KDM4B: variants seen among roughly 807,000 people sequenced by gnomAD.
KDM4B encodes lysine demethylase 4B, also known as lysine-specific demethylase 4B.
KDM4B carries 32 observed loss-of-function variants against 125.2 expected under a neutral mutation model. That is an observed-to-expected ratio of 0.26 (90% CI 0.19 to 0.34). The LOEUF is 0.34. Among genes scored for constraint, KDM4B ranks in the 10% least tolerant of loss-of-function variants. KDM4B has a pLI of 1.00. For missense variants in KDM4B, 1,190 were observed against 1,577.7 expected (o/e 0.75, Z 4.16); for synonymous variants, 721 against 677.9 (o/e 1.06, Z -0.99).
At chr19:5,064,293 T>A (rs1004370850) in intron 6 of KDM4B, among the ~76,000 whole-genome samples, 1 of 152,202 alleles carries the variant, frequency 6.6e-6, no homozygotes, top group African/African-American at 2.4e-5. Context: ...TCTGCCTCCC[T>A]CATTCTGTGT....
chr19:5,118,970 C>T (rs536727505), intron 10 of KDM4B: 19 of 613,362 alleles, frequency 3.1e-5, no homozygotes, highest in East Asian at 1.6e-4. Flanking sequence ...GTCAGAGCAG[C>T]GGAGTGTGAG....
chr19:4,994,930 A>G (rs2035152109), intron 1 of KDM4B, among the ~76,000 whole-genome samples: 2 of 152,138 alleles, frequency 1.3e-5, no homozygotes, highest in African/African-American at 4.8e-5. Flanking sequence ...CAGATCCCCA[A>G]TATCATTTGA....
chr19:5,009,068 C>A (rs1282669037), intron 1 of KDM4B, among the ~76,000 whole-genome samples: 1 of 151,886 alleles, frequency 6.6e-6, no homozygotes, highest in East Asian at 1.9e-4. Context: ...GTGGATGCCA[C>A]CACGCTCAGC....
At chr19:5,008,862 A>G (rs559029461) in intron 1 of KDM4B, among the ~76,000 whole-genome samples, 3 of 149,062 alleles carry the variant, frequency 2.0e-5, no homozygotes, top group East Asian at 2.0e-4. Flanking sequence ...TGGCCTCCCA[A>G]AGTGCTAGGA....
intron 6 of KDM4B, among the ~76,000 whole-genome samples, chr19:5,054,489 T>TGC (rs1374792681): frequency 3.5e-4 from 41 of 116,136 alleles, no homozygotes; most frequent in African/African-American, 8.3e-4. Context: ...TGTGTGTGTG[T>TGC]GCGCGCGCAT....
At position 4,971,109 on chromosome 19, in the gene KDM4B, G is replaced by T. The variant is rs968955984; in HGVS notation, c.-109+1879G>T. Among the ~76,000 whole-genome samples, 15 of 152,186 alleles carry T rather than the reference G, an allele frequency of 9.9e-5. No individual in the cohort carries two copies. Among genetic ancestry groups the T allele is most frequent in the African/African-American group, 3.4e-4 (14 of 41,440 alleles). On this transcript the variant is annotated intron_variant, in intron 1 of 22. Coordinates refer to ENST00000159111, the MANE Select transcript of KDM4B (RefSeq NM_015015.3). This position sits in a 1 kb window ranked among gnomAD's most constrained non-coding sequence, Gnocchi z 4.1. ...CGTGTGTGTTTAGTTGCTGAGACCTGAAATATATATGTCTTAGTAACAATC... is the reference window on the plus strand; with the variant it reads ...CGTGTGTGTTTAGTTGCTGAGACCTTAAATATATATGTCTTAGTAACAATC...
chr19:5,131,121 GGAA>G lies in KDM4B; in HGVS notation c.1370_1372del (p.Lys457del), dbSNP rs774302737. 6.2e-5 allele frequency: 95 copies of G among 1,526,888 alleles called. 1 individual carries two copies. Among genetic ancestry groups the G allele is most frequent in the East Asian group, 2.5e-4 (11 of 43,998 alleles). 94.6% of individuals were successfully genotyped at this position (1,526,888 alleles called of 1,614,324 possible). ...CGGCCAACCAAGGCCAAGAGCGAGC[GGAA>G]GAAGAAGAGCTTCGGCCTGCTGCCC... On this transcript the variant is annotated inframe_deletion, in exon 12 of 23. Transcript: ENST00000159111.
intron 3 of KDM4B, 124 bp from the exon 4 acceptor site, chr19:5,039,711 TG>T (rs1206489018): frequency 2.1e-5 from 23 of 1,079,360 alleles, no homozygotes; most frequent in East Asian, 2.5e-5. Flanking sequence ...CTCGTGCCCC[TG>T]GGGGGTGTCC....
At position 5,035,137 on chromosome 19, in the gene KDM4B, C is replaced by A. The variant is rs1410795553; in HGVS notation, c.141+2106C>A. Among the ~76,000 whole-genome samples the A allele has an allele frequency of 2.0e-5, 3 of 152,196 alleles. No homozygotes were observed. Among genetic ancestry groups the A allele is most frequent in the Admixed American group, 6.5e-5 (1 of 15,280 alleles). ...TCTCATCTCAGACCGTCTTCTCTGG[C>A]CCTCTAGGCCACAGGCTGCTATCCC... On this transcript the variant is annotated intron_variant, in intron 3 of 22. Transcript: ENST00000159111. This position sits in a 1 kb window ranked among gnomAD's most constrained non-coding sequence, Gnocchi z 5.3.
At position 5,133,091 on chromosome 19, in the gene KDM4B, G is replaced by A. The variant is rs556208719; in HGVS notation, c.1907-792G>A. Among the ~76,000 whole-genome samples the A allele has an allele frequency of 1.5e-4, 23 of 152,284 alleles. No homozygotes were observed. The East Asian group carries it at 4.3e-3, about 28-fold the overall frequency. Reference sequence around the variant, plus strand: ...CCCTTTAGGTTGGGCTGAGGATTGGGCCACAGGAGTGGGCACCCCACTTCC... The same window carrying A: ...CCCTTTAGGTTGGGCTGAGGATTGGACCACAGGAGTGGGCACCCCACTTCC... On this transcript the variant is annotated intron_variant, in intron 13 of 22. Transcript: ENST00000159111.
At chr19:4,980,985 G>A (rs535287942) in intron 1 of KDM4B, among the ~76,000 whole-genome samples, 4 of 152,276 alleles carry the variant, frequency 2.6e-5, no homozygotes, top group South Asian at 2.1e-4. Context: ...GCTGGGCTGC[G>A]GCTAGGCTTT....
At chr19:5,052,974 C>A (rs914298842) in intron 6 of KDM4B, among the ~76,000 whole-genome samples, 1 of 152,228 alleles carries the variant, frequency 6.6e-6, no homozygotes, top group Non-Finnish European at 1.5e-5. Context: ...TCCTCCCAGC[C>A]GCTTTGCTCT....
chr19:4,990,840 G>A (rs1237088203), intron 1 of KDM4B, among the ~76,000 whole-genome samples: 2 of 151,998 alleles, frequency 1.3e-5, no homozygotes, highest in African/African-American at 4.8e-5. Context: ...TTTATTATGG[G>A]CCGGGTATGA....
chr19:5,139,049 A>G (rs545527486), intron 18 of KDM4B, among the ~76,000 whole-genome samples: 2 of 152,144 alleles, frequency 1.3e-5, no homozygotes, highest in South Asian at 2.1e-4. Flanking sequence ...CAGCCTCCTG[A>G]GTAGCTGGGA....
At chr19:5,039,783 G>A in intron 3 of KDM4B, 53 bp from the exon 4 acceptor site, 1 of 1,582,156 alleles carries the variant, frequency 6.3e-7, no homozygotes, top group East Asian at 2.2e-5. Context: ...TCTGCTCTCT[G>A]GCCCTGCCCT....
chr19:5,134,101 CA>C, intron 14 of KDM4B, 40 bp downstream of exon 14: 1 of 1,546,812 alleles, frequency 6.5e-7, no homozygotes, highest in Non-Finnish European at 8.7e-7. Flanking sequence ...GAACCCCAGG[CA>C]GGGGCGGTGG....
chr19:5,149,525 C>G (rs1228054654), intron 21 of KDM4B, among the ~76,000 whole-genome samples: 1 of 152,194 alleles, frequency 6.6e-6, no homozygotes, highest in East Asian at 1.9e-4. Flanking sequence ...ACCTTCTCCC[C>G]CTGGAGCAGA....
intron 11 of KDM4B, among the ~76,000 whole-genome samples, chr19:5,129,856 G>A (rs972459502): frequency 1.3e-5 from 2 of 152,322 alleles, no homozygotes; most frequent in Middle Eastern, 6.8e-3. Flanking sequence ...GGCCAGGCTG[G>A]TCTTCCTCGA....
intron 9 of KDM4B, among the ~76,000 whole-genome samples, chr19:5,107,872 G>A (rs1270277026): frequency 2.6e-5 from 4 of 152,198 alleles, no homozygotes; most frequent in African/African-American, 4.8e-5. Flanking sequence ...GTGACCCACC[G>A]GCCTTGCCTC....
Sources: allele counts gnomAD v4.1 joint callset (sites outside exome capture counted in the v4.1 genomes callset), GRCh38; gene constraint gnomAD v4.1.1; non-coding constraint Gnocchi (gnomAD v3.1); transcripts MANE v1.5; gene names NCBI Gene and HGNC (gene_info 2026-07-23, HGNC 2026-07-21).